AKT3: variants seen among roughly 807,000 people sequenced by gnomAD.
AKT3 encodes RAC-gamma serine/threonine-protein kinase.
Under a neutral mutation model 65.3 loss-of-function variants are expected in AKT3, and 15 were observed. That is an observed-to-expected ratio of 0.23 (90% CI 0.15 to 0.35). AKT3 has a LOEUF of 0.35. AKT3 is among the 10% of genes least tolerant of loss of function. The probability of loss-of-function intolerance (pLI) is 1.00; values close to 1 mark genes in which losing one functional copy is unlikely to be tolerated. For synonymous variants in AKT3, 206 were observed against 183.8 expected, an observed-to-expected ratio of 1.12 and a Z score of -0.98; for missense variants, 243 against 576.5, an observed-to-expected ratio of 0.42 and a Z score of 5.92.
intron 2 of AKT3, among the ~76,000 whole-genome samples, chr1:243,783,709 C>T (rs1471061130): frequency 6.6e-6 from 1 of 152,072 alleles, no homozygotes; most frequent in Non-Finnish European, 1.5e-5. Context: ...CTTCTGACTG[C>T]TTGAATAGTC....
intron 2 of AKT3, chr1:243,735,459 A>G (rs1363947988): frequency 6.6e-6 from 1 of 152,232 alleles, no homozygotes; most frequent in East Asian, 1.9e-4. Context: ...GTTTCTAAAA[A>G]TATCATCTAA....
chr1:243,667,462 CCTCTCTT>C (rs1682873396), intron 3 of AKT3, among the ~76,000 whole-genome samples: 1 of 152,046 alleles, frequency 6.6e-6, no homozygotes, highest in Non-Finnish European at 1.5e-5. Flanking sequence ...CCCTTGGAGT[CCTCTCTT>C]CCCTGACATC....
intron 2 of AKT3, among the ~76,000 whole-genome samples, chr1:243,742,945 C>T (rs1404948286): frequency 6.6e-6 from 1 of 151,626 alleles, no homozygotes; most frequent in Non-Finnish European, 1.5e-5. Flanking sequence ...TAGCTTATTA[C>T]ATAAACTTTA....
chr1:243,636,034 A>T (rs993292527), intron 6 of AKT3, among the ~76,000 whole-genome samples: 2 of 152,084 alleles, frequency 1.3e-5, no homozygotes, highest in Non-Finnish European at 2.9e-5. Context: ...GTAAGTAGTG[A>T]GATAAGACAG....
chr1:243,756,285 G>A (rs1689132747), intron 2 of AKT3, among the ~76,000 whole-genome samples: 1 of 152,108 alleles, frequency 6.6e-6, no homozygotes, highest in Admixed American at 6.5e-5. Context: ...CCAGATTTAG[G>A]GTTCTAAATA....
At chr1:243,713,746 T>TAAA (rs572960154) in intron 2 of AKT3, among the ~76,000 whole-genome samples, 1,109 of 82,946 alleles carry the variant, frequency 0.013, 67 homozygotes, top group African/African-American at 0.014. Context: ...TTTGCCTTAA[T>TAAA]AAAAAAAAAA....
At chr1:243,597,087 G>A (rs939392097) in intron 8 of AKT3, among the ~76,000 whole-genome samples, 1 of 152,150 alleles carries the variant, frequency 6.6e-6, no homozygotes, top group Non-Finnish European at 1.5e-5. Context: ...AAAGAGGCAT[G>A]GCAGAACTTT....
chr1:243,659,237 G>C (rs946186704), intron 4 of AKT3, among the ~76,000 whole-genome samples: 1 of 152,218 alleles, frequency 6.6e-6, no homozygotes, highest in Non-Finnish European at 1.5e-5. Context: ...GAAGCAGAAA[G>C]TAGAACGGTG....
At chr1:243,615,054 T>G in intron 7 of AKT3, 42 bp downstream of exon 7, 1 of 1,372,090 alleles carries the variant, frequency 7.3e-7, no homozygotes, top group Non-Finnish European at 1.0e-6. Context: ...TTCCTTAAAT[T>G]TCAAATGTTA....
chr1:243,828,860 G>C (rs1558851713), intron 2 of AKT3, among the ~76,000 whole-genome samples: 4 of 152,106 alleles, frequency 2.6e-5, no homozygotes, highest in South Asian at 2.1e-4. Context: ...TGAAATTGTA[G>C]ATGGACAAGA....
At chr1:243,616,197 C>A (rs533776751) in intron 6 of AKT3, among the ~76,000 whole-genome samples, 1 of 151,222 alleles carries the variant, frequency 6.6e-6, no homozygotes, top group East Asian at 1.9e-4. Context: ...TTTTATGCCT[C>A]ACCCTGCTTC....
intron 13 of AKT3, among the ~76,000 whole-genome samples, chr1:243,510,394 G>C (rs555399536): frequency 1.2e-4 from 19 of 152,314 alleles, no homozygotes; most frequent in Non-Finnish European, 5.9e-5. Flanking sequence ...GGCGGAAATA[G>C]ACACTAACCA....
intron 2 of AKT3, among the ~76,000 whole-genome samples, chr1:243,705,746 G>A (rs905083874): frequency 3.3e-5 from 5 of 152,074 alleles, no homozygotes; most frequent in African/African-American, 4.8e-5. Flanking sequence ...TAGGTATGTT[G>A]TGGAGAATTA....
chr1:243,813,320 G>A (rs577774391), intron 2 of AKT3, among the ~76,000 whole-genome samples: 2 of 152,202 alleles, frequency 1.3e-5, no homozygotes, highest in South Asian at 4.1e-4. Context: ...AATTCAGAAT[G>A]TGGGATATTC....
At chr1:243,565,552 C>T (rs1674095349) in intron 9 of AKT3, among the ~76,000 whole-genome samples, 1 of 152,192 alleles carries the variant, frequency 6.6e-6, no homozygotes, top group African/African-American at 2.4e-5. Flanking sequence ...TTTATCCAAA[C>T]TCAGTTATCT....
intron 8 of AKT3, among the ~76,000 whole-genome samples, chr1:243,590,095 G>GT (rs1460183239): frequency 6.6e-6 from 1 of 152,138 alleles, no homozygotes; most frequent in African/African-American, 2.4e-5. Flanking sequence ...GGGTAGGGAG[G>GT]TAAGTAAAAT....
rs188610095 is a variant in AKT3 at position 243,655,293 on chromosome 1, T to G, written c.285-9256A>C. Reference sequence around the variant, plus strand: ...TAGAATTTCTATGGGGCTCTTTCTTTTTAATTTTACCTTGATTACAAATGA... The same window carrying G: ...TAGAATTTCTATGGGGCTCTTTCTTGTTAATTTTACCTTGATTACAAATGA... On this transcript the variant is annotated intron_variant, in intron 4 of 13. Transcript: ENST00000673466. Among the ~76,000 whole-genome samples, 136 of 152,132 alleles carry G rather than the reference T, an allele frequency of 8.9e-4. 2 individuals carry two copies. The highest frequency in any genetic ancestry group is 7.4e-5 in the Non-Finnish European group (5 of 67,960).
intron 2 of AKT3, among the ~76,000 whole-genome samples, chr1:243,765,065 T>C (rs1454902399): frequency 1.3e-5 from 2 of 152,126 alleles, no homozygotes; most frequent in South Asian, 2.1e-4. Context: ...AAACCACTTA[T>C]TGATACATCA....
At chr1:243,497,536 C>T (rs1161611642), downstream of AKT3, among the ~76,000 whole-genome samples, 1 of 152,180 alleles carries the variant, frequency 6.6e-6, no homozygotes, top group East Asian at 1.9e-4. Context: ...CATGCAGGCC[C>T]ACGGAATCAG....
Sources: gnomAD v4.1 joint callset for allele counts (sites outside exome capture counted in the v4.1 genomes callset) on GRCh38, gnomAD v4.1.1 for gene constraint, MANE v1.5 for transcripts, NCBI Gene and HGNC (gene_info 2026-07-23, HGNC 2026-07-21) for gene names.